Variants in MTR observed in about 807,000 individuals in gnomAD.
MTR encodes 5-methyltetrahydrofolate-homocysteine methyltransferase, also known as methionine synthase.
In MTR, 84 loss-of-function variants were observed where a neutral mutation model predicts 154.8. The ratio of observed to expected loss-of-function variants is 0.54; its 90% confidence interval spans 0.45 to 0.65. The LOEUF (loss-of-function observed/expected upper bound fraction) is 0.65, where lower values mean the gene tolerates loss of function less well. Among genes scored for constraint, MTR ranks in the 30% least tolerant of loss-of-function variants. The probability of loss-of-function intolerance (pLI) is 0.00; values close to 1 mark genes in which losing one functional copy is unlikely to be tolerated. For missense variants in MTR, 1,275 were observed against 1,570.2 expected (o/e 0.81, Z 3.18); for synonymous variants, 554 against 553.9 (o/e 1.00, Z 0.00).
intron 1 of MTR, among the ~76,000 whole-genome samples, chr1:236,797,295 T>G (rs1395754400): frequency 6.6e-6 from 1 of 152,232 alleles, no homozygotes; most frequent in Non-Finnish European, 1.5e-5. Context: ...GAAATTTTAA[T>G]GGAGAGCTGG....
At chr1:236,801,684 T>G (rs1660706864) in intron 1 of MTR, among the ~76,000 whole-genome samples, 1 of 152,216 alleles carries the variant, frequency 6.6e-6, no homozygotes, top group Admixed American at 6.5e-5. Context: ...GGAGCTCAGA[T>G]AGCTTAGAAC....
intron 19 of MTR, among the ~76,000 whole-genome samples, chr1:236,860,571 A>G (rs1664479210): frequency 1.3e-5 from 2 of 152,146 alleles, no homozygotes; most frequent in African/African-American, 4.8e-5. Flanking sequence ...TGGAGGCTTC[A>G]TGGATTTGAA....
chr1:236,897,234 C>T (rs995514579), intron 32 of MTR, 116 bp downstream of exon 32: 2 of 851,322 alleles, frequency 2.3e-6, no homozygotes, highest in African/African-American at 3.4e-5. Flanking sequence ...GAAATTTACT[C>T]CAGTTAATGT....
Position 236,816,321 on chromosome 1 carries a change from T to A in MTR, c.670-128T>A, listed in dbSNP as rs530684298. ...TATTATAGAAAGTGCCCCCTTTGAA[T>A]TTGAGTTCCACATTTCTTTTCCTTG... On this transcript the variant is annotated intron_variant, in intron 7 of 32. Transcript: ENST00000366577. The A allele has an allele frequency of 3.3e-5, 27 of 818,242 alleles. 1 individual carries two copies. In the East Asian group the frequency reaches 6.5e-4, roughly 20 times the overall value. 50.7% of individuals were successfully genotyped at this position (818,242 alleles called of 1,614,324 possible).
chr1:236,837,988 G>A (rs1558299244), intron 14 of MTR, among the ~76,000 whole-genome samples: 1 of 152,006 alleles, frequency 6.6e-6, no homozygotes, highest in Non-Finnish European at 1.5e-5. Flanking sequence ...ATTTTCTAAA[G>A]GGAAGGTTGA....
At chr1:236,874,601 A>C in intron 23 of MTR, 125 bp from the exon 24 acceptor site, 2 of 722,986 alleles carry the variant, frequency 2.8e-6, no homozygotes, top group Non-Finnish European at 2.2e-6. Flanking sequence ...AGGAATTGGG[A>C]ATTCATGTTA....
intron 15 of MTR, among the ~76,000 whole-genome samples, chr1:236,841,114 T>C (rs1171502926): frequency 6.6e-6 from 1 of 152,230 alleles, no homozygotes; most frequent in Non-Finnish European, 1.5e-5. Context: ...CTGATTCTTG[T>C]AGCATCTACC....
rs542894560 is a variant in MTR at position 236,822,035 on chromosome 1, C to G, written c.765-2084C>G. Among the ~76,000 whole-genome samples, 14 of 152,174 alleles carry G rather than the reference C, an allele frequency of 9.2e-5. No homozygotes were observed. In the South Asian group the frequency reaches 1.2e-3, roughly 14 times the overall value. Reference sequence around the variant, plus strand: ...TTCTCTCATTATTGTGTTGGCTGTTCTGGGTCTTTTGTCTCGCCATATAAA... The same window carrying G: ...TTCTCTCATTATTGTGTTGGCTGTTGTGGGTCTTTTGTCTCGCCATATAAA... On this transcript the variant is annotated intron_variant, in intron 8 of 32. Transcript: ENST00000366577.
At chr1:236,797,212 A>G (rs150840603) in intron 1 of MTR, among the ~76,000 whole-genome samples, 12 of 152,278 alleles carry the variant, frequency 7.9e-5, no homozygotes, top group Admixed American at 2.6e-4. Context: ...TATGTGAGCA[A>G]CTTTTATTGG....
Position 236,874,863 on chromosome 1 carries a change from A to C in MTR, c.2594+17A>C. On this transcript the variant is annotated intron_variant, in intron 24 of 32. Transcript: ENST00000366577. ...CACTTCAAAGTAAGTTATACTAATG[A>C]GCTTTGTCCTCACTTCAAATTTTCT... 6.2e-7 allele frequency: 1 copy of C among 1,613,124 alleles called. No individual in the cohort carries two copies. Among genetic ancestry groups the C allele is most frequent in the Non-Finnish European group, 8.5e-7 (1 of 1,179,294 alleles).
At chr1:236,814,084 C>CA (rs963278639) in intron 6 of MTR, among the ~76,000 whole-genome samples, 5 of 151,906 alleles carry the variant, frequency 3.3e-5, no homozygotes, top group Admixed American at 2.6e-4. Context: ...TTGAACTTTT[C>CA]AAAAAAATCG....
At chr1:236,878,729 T>C (rs1331022172) in intron 24 of MTR, among the ~76,000 whole-genome samples, 1 of 152,212 alleles carries the variant, frequency 6.6e-6, no homozygotes, top group East Asian at 1.9e-4. Flanking sequence ...TGAATCGATA[T>C]TTGGAGAGAT....
At chr1:236,856,823 T>C (rs565387875) in intron 18 of MTR, among the ~76,000 whole-genome samples, 207 of 152,274 alleles carry the variant, frequency 1.4e-3, no homozygotes, top group Non-Finnish European at 2.5e-3. Context: ...AGTGTGATGG[T>C]TTCCAGCTTC....
chr1:236,805,351 G>C (rs2103020412), intron 2 of MTR, among the ~76,000 whole-genome samples: 1 of 152,260 alleles, frequency 6.6e-6, no homozygotes, highest in East Asian at 1.9e-4. Context: ...ATTGTGGTCA[G>C]AGGTTGAGAT....
At chr1:236,799,346 A>G (rs1660578736) in intron 1 of MTR, among the ~76,000 whole-genome samples, 1 of 151,276 alleles carries the variant, frequency 6.6e-6, no homozygotes, top group Admixed American at 6.6e-5. Flanking sequence ...CTGTTTTCGA[A>G]CTCGTGGACT....
chr1:236,799,663 A>G, intron 1 of MTR, among the ~76,000 whole-genome samples: 1 of 152,218 alleles, frequency 6.6e-6, no homozygotes, highest in East Asian at 1.9e-4. Flanking sequence ...GAACTAACAC[A>G]AATCAATAAG....
intron 24 of MTR, among the ~76,000 whole-genome samples, chr1:236,879,628 G>T (rs564401375): frequency 2.0e-5 from 3 of 152,272 alleles, no homozygotes; most frequent in East Asian, 3.9e-4. Context: ...ATTAACCACT[G>T]TAAGGGAGGC....
At chr1:236,872,945 A>G (rs1461423698) in intron 22 of MTR, among the ~76,000 whole-genome samples, 1 of 152,200 alleles carries the variant, frequency 6.6e-6, no homozygotes, top group South Asian at 2.1e-4. Context: ...TAATCACGCC[A>G]CTGCACTCCA....
intron 31 of MTR, 56 bp downstream of exon 31, chr1:236,895,606 C>G (rs2147955427): frequency 6.6e-7 from 1 of 1,522,628 alleles, no homozygotes; most frequent in East Asian, 2.5e-5. Flanking sequence ...ATACTCTTAT[C>G]AGCATACTGG....
Sources: gnomAD v4.1 joint callset for allele counts (sites outside exome capture counted in the v4.1 genomes callset) on GRCh38, gnomAD v4.1.1 for gene constraint, MANE v1.5 for transcripts, NCBI Gene and HGNC (gene_info 2026-07-23, HGNC 2026-07-21) for gene names.